WDR26: variants seen among roughly 807,000 people sequenced by gnomAD.
WDR26 encodes the protein WD repeat domain 26.
A neutral mutation model predicts 84.1 loss-of-function variants in WDR26; 5 were observed. The observed-to-expected ratio is 0.06, with a 90% CI of 0.03 to 0.13. The LOEUF is 0.13. Ranked by LOEUF, WDR26 falls within the 10% of genes least tolerant of loss-of-function variation. The pLI, the probability that WDR26 is intolerant of heterozygous loss-of-function variation, is 1.00. For synonymous variants in WDR26, 415 were observed against 389.6 expected (o/e 1.07, Z -0.77); for missense variants, 642 against 974.9 (o/e 0.66, Z 4.55).
intron 3 of WDR26, among the ~76,000 whole-genome samples, chr1:224,427,103 C>CAAAAAAAAAAAAAAAAAAAAAAA (rs769063024): frequency 1.1e-5 from 1 of 91,168 alleles, no homozygotes; most frequent in African/African-American, 4.3e-5. Context: ...AACTCTGTCT[C>CAAAAAAAAAAAAAAAAAAAAAAA]CAAAAAAAAA....
At chr1:224,398,809 A>C in intron 10 of WDR26, 80 bp downstream of exon 10, 2 of 1,562,362 alleles carry the variant, frequency 1.3e-6, no homozygotes, top group South Asian at 1.2e-5. Context: ...AAAACATAAA[A>C]ACTGTGAAAA....
chr1:224,385,280 G>C lies in WDR26; in HGVS notation c.*4555C>G, dbSNP rs1328033217. 6.6e-6 allele frequency: 1 copy of C among 152,146 alleles called. No homozygotes were observed. 9.4% of individuals were successfully genotyped at this position (152,146 alleles called of 1,614,324 possible). A position where few individuals can be genotyped will look rare whatever the true frequency, so the allele number is the denominator to read the frequency against. On this transcript the variant is annotated 3_prime_UTR_variant, in exon 14 of 14. Transcript: ENST00000414423. Reference sequence around the variant, plus strand: ...GCAAATCAAAGTTAATGTAGTTTCAGTTGAACAAAAATTTAAAGACGTTTA... The same window carrying C: ...GCAAATCAAAGTTAATGTAGTTTCACTTGAACAAAAATTTAAAGACGTTTA...
At chr1:224,399,421 T>C (rs139633018) in intron 9 of WDR26, among the ~76,000 whole-genome samples, 41 of 152,326 alleles carry the variant, frequency 2.7e-4, no homozygotes, top group African/African-American at 7.7e-4. Context: ...AGTTGTGAAA[T>C]GGAAAAAGAT....
rs957561344 is a variant in WDR26, at chr1:224,388,166, C to T, written c.*1669G>A. 3 of 152,230 alleles carry T rather than the reference C, an allele frequency of 2.0e-5. No homozygotes were observed. Among genetic ancestry groups the T allele is most frequent in the Non-Finnish European group, 4.4e-5 (3 of 68,030 alleles). The allele number at this position is 152,230 out of a possible 1,614,324, so 9.4% of individuals were successfully genotyped here. A position where few individuals can be genotyped will look rare whatever the true frequency, so the allele number is the denominator to read the frequency against. ...TTCCCTTTCTCCCATCCCCGACCACCTACCCCACAATGGAAGAATTTTTGA... is the reference window on the plus strand; with the variant it reads ...TTCCCTTTCTCCCATCCCCGACCACTTACCCCACAATGGAAGAATTTTTGA... On this transcript the variant is annotated 3_prime_UTR_variant, in exon 14 of 14. Transcript: ENST00000414423.
chr1:224,393,827 C>T lies in WDR26; in HGVS notation c.2260+1G>A. On this transcript the variant is annotated splice_donor_variant, in intron 13 of 13. Transcript: ENST00000414423. LOFTEE classifies it high-confidence loss of function. ...ATAGTAACATTATACAAAGGTATTA[C>T]CTTCAATATTCTGGTGGTCTATAAA... is the stretch of plus-strand genomic sequence containing the variant. 6.5e-7 allele frequency: 1 copy of T among 1,531,692 alleles called. No individual in the cohort carries two copies. The highest frequency in any genetic ancestry group is 8.9e-7 in the Non-Finnish European group (1 of 1,120,118). 94.9% of individuals were successfully genotyped at this position (1,531,692 alleles called of 1,614,324 possible). A position where few individuals can be genotyped will look rare whatever the true frequency, so the allele number is the denominator to read the frequency against.
Position 224,398,501 on chromosome 1 carries a change from A to G in WDR26, c.1944+14T>C. The G allele has an allele frequency of 6.3e-7, 1 of 1,582,750 alleles. No individual in the cohort carries two copies. The highest frequency in any genetic ancestry group is 8.6e-7 in the Non-Finnish European group (1 of 1,168,392). Reference sequence around the variant, plus strand: ...TAAGCCAAATTTTTCAGAAAATTATACTAATAAACATACCTGAGTTGCTAC... The same window carrying G: ...TAAGCCAAATTTTTCAGAAAATTATGCTAATAAACATACCTGAGTTGCTAC... On this transcript the variant is annotated intron_variant, in intron 11 of 13. Transcript: ENST00000414423.
Position 224,424,487 on chromosome 1 carries a change from T to C in WDR26, c.1064+31A>G, listed in dbSNP as rs749182609. The C allele has an allele frequency of 2.5e-6, 4 of 1,609,792 alleles. No individual in the cohort carries two copies. In the African/African-American group the frequency reaches 4.0e-5, roughly 16 times the overall value. ...AAGAAATATAACTTTGGCCCTCCAT[T>C]AACCTGAGTTCAAGAACTCAGTTTC... is the stretch of plus-strand genomic sequence containing the variant. On this transcript the variant is annotated intron_variant, in intron 4 of 13. Coordinates refer to ENST00000414423, the MANE Select transcript of WDR26 (RefSeq NM_001379403.1).
chr1:224,415,712 C>T (rs1369999906), intron 6 of WDR26, among the ~76,000 whole-genome samples: 2 of 152,096 alleles, frequency 1.3e-5, no homozygotes, highest in Non-Finnish European at 2.9e-5. Flanking sequence ...CCACTCGCCT[C>T]GGCCCCCCAA....
At chr1:224,394,162 A>T (rs1673197106) in intron 12 of WDR26, 149 bp from the exon 13 acceptor site, 1 of 577,482 alleles carries the variant, frequency 1.7e-6, no homozygotes, top group Non-Finnish European at 2.6e-6. Context: ...TTACCTTATG[A>T]AAAAATGTTT....
chr1:224,394,072 T>G (rs554342621), intron 12 of WDR26, 59 bp from the exon 13 acceptor site: 1 of 1,308,348 alleles, frequency 7.6e-7, no homozygotes, highest in South Asian at 2.3e-5. Flanking sequence ...TAACTGATCT[T>G]AAATTTATCA....
chr1:224,401,417 CTTCT>C (rs1389996793), intron 8 of WDR26, among the ~76,000 whole-genome samples: 3 of 152,004 alleles, frequency 2.0e-5, no homozygotes, highest in Admixed American at 1.3e-4. Flanking sequence ...ATACCTATTC[CTTCT>C]GAGCTTCCAC....
At position 224,426,207 on chromosome 1, in the gene WDR26, G is replaced by A. The variant is rs376151638; in HGVS notation, c.928-1553C>T. 2.6e-5 allele frequency among the ~76,000 whole-genome samples: 4 copies of A among 152,270 alleles called. No homozygotes were observed. The South Asian group carries it at 8.3e-4, about 32-fold the overall frequency. ...AAAAAATACACTGCTGTCACGAAAT[G>A]CTGTGGAGAAATTACCATTTATTTG... On this transcript the variant is annotated intron_variant, in intron 3 of 13. Transcript: ENST00000414423.
At position 224,386,078 on chromosome 1, in the gene WDR26, A is replaced by G. The variant is rs1315582343; in HGVS notation, c.*3757T>C. On this transcript the variant is annotated 3_prime_UTR_variant, in exon 14 of 14. Coordinates refer to ENST00000414423, the MANE Select transcript of WDR26 (RefSeq NM_001379403.1). ...GGTTTTTATAGTTTTTATTTTTGTA[A>G]CTATAGGGCAGCTACTATAACAATA... The G allele has an allele frequency of 3.3e-5, 5 of 152,574 alleles. No individual in the cohort carries two copies. The highest frequency in any genetic ancestry group is 6.3e-3 in the Middle Eastern group (2 of 316). The allele number at this position is 152,574 out of a possible 1,614,324, so 9.5% of individuals were successfully genotyped here.
At chr1:224,393,098 A>G (rs544839729) in intron 13 of WDR26, among the ~76,000 whole-genome samples, 2 of 152,294 alleles carry the variant, frequency 1.3e-5, no homozygotes, top group African/African-American at 4.8e-5. Flanking sequence ...TGTTAGCCTT[A>G]TATTTTGGCC....
chr1:224,411,621 TA>T (rs1673738776), intron 6 of WDR26, 56 bp from the exon 7 acceptor site: 5 of 1,469,548 alleles, frequency 3.4e-6, no homozygotes, highest in Non-Finnish European at 2.7e-6. Context: ...GTAATAATAA[TA>T]AAAAAGGTTA....
chr1:224,425,611 G>C (rs1263282393), intron 3 of WDR26, among the ~76,000 whole-genome samples: 2 of 152,088 alleles, frequency 1.3e-5, no homozygotes, highest in Non-Finnish European at 2.9e-5. Context: ...CAAGAGAAAA[G>C]GGATATTTAT....
chr1:224,433,622 A>ACCCCCCCC lies in WDR26; in HGVS notation c.722+61_722+62insGGGGGGGG. The ACCCCCCCC allele has an allele frequency of 1.4e-5, 12 of 852,320 alleles. No homozygotes were observed. In the East Asian group the frequency reaches 1.6e-4, roughly 11 times the overall value. 52.8% of individuals were successfully genotyped at this position (852,320 alleles called of 1,614,324 possible). Reference sequence around the variant, plus strand: ...CCCTCCCCCCTCCGCCCCTTCCCCTACCCCCCTGGAGCCTCCGTCCCTCGG... The same window carrying ACCCCCCCC: ...CCCTCCCCCCTCCGCCCCTTCCCCTACCCCCCCCCCCCCCTGGAGCCTCCGTCCCTCGG... On this transcript the variant is annotated intron_variant, in intron 1 of 13. Transcript: ENST00000414423.
rs1337212833 is a variant in WDR26 at position 224,388,346 on chromosome 1, G to A, written c.*1489C>T. ...ATCCCCATTCTCATTCCAACAGCTGGAGTCACCCTATTTATCCTCTACTGA... is the reference window on the plus strand; with the variant it reads ...ATCCCCATTCTCATTCCAACAGCTGAAGTCACCCTATTTATCCTCTACTGA... On this transcript the variant is annotated 3_prime_UTR_variant, in exon 14 of 14. Coordinates refer to ENST00000414423, the MANE Select transcript of WDR26 (RefSeq NM_001379403.1). 6.6e-6 allele frequency: 1 copy of A among 152,234 alleles called. No homozygotes were observed. Among genetic ancestry groups the A allele is most frequent in the East Asian group, 1.9e-4 (1 of 5,186 alleles). 9.4% of individuals were successfully genotyped at this position (152,234 alleles called of 1,614,324 possible).
intron 1 of WDR26, among the ~76,000 whole-genome samples, chr1:224,432,347 T>A (rs1283177794): frequency 1.3e-5 from 2 of 152,206 alleles, no homozygotes; most frequent in Non-Finnish European, 2.9e-5. Context: ...TATTTCCTCC[T>A]GCTGCTGTCA....
Sources: gnomAD v4.1 joint callset for allele counts (sites outside exome capture counted in the v4.1 genomes callset) on GRCh38, gnomAD v4.1.1 for gene constraint, MANE v1.5 for transcripts, NCBI Gene and HGNC (gene_info 2026-07-23, HGNC 2026-07-21) for gene names.